The following STK3 variants were observed in gnomAD, a reference collection of about 807,000 sequenced individuals.
STK3 encodes serine/threonine-protein kinase 3.
STK3 carries 41 observed loss-of-function variants against 58.0 expected under a neutral mutation model. The observed-to-expected ratio is 0.71, with a 90% CI of 0.55 to 0.92. STK3 has a LOEUF of 0.92. Ranked by LOEUF, STK3 falls within the 40% of genes least tolerant of loss-of-function variation. STK3 has a pLI of 0.00. For missense variants in STK3, 479 were observed against 602.7 expected (o/e 0.79, Z 2.15); for synonymous variants, 170 against 191.0 (o/e 0.89, Z 0.91).
the STK3 span, among the ~76,000 whole-genome samples, chr8:98,359,025 G>T: frequency 6.6e-6 from 1 of 152,156 alleles, no homozygotes; most frequent in Non-Finnish European, 1.5e-5. Flanking sequence ...CGAAGAAAGA[G>T]CTGGGGAAAT....
At chr8:98,668,747 A>G (rs1822554560) in intron 6 of STK3, among the ~76,000 whole-genome samples, 4 of 152,126 alleles carry the variant, frequency 2.6e-5, no homozygotes, top group Admixed American at 2.6e-4. Flanking sequence ...TACTATACTC[A>G]TCTATTGCTT....
chr8:98,481,895 C>G (rs969799367), intron 10 of STK3, among the ~76,000 whole-genome samples: 1 of 152,130 alleles, frequency 6.6e-6, no homozygotes, highest in Non-Finnish European at 1.5e-5. Flanking sequence ...TTACTTGTCA[C>G]TTAGTAACCT....
chr8:98,588,044 CTT>C (rs1814827629), intron 7 of STK3, among the ~76,000 whole-genome samples: 1 of 152,144 alleles, frequency 6.6e-6, no homozygotes, highest in African/African-American at 2.4e-5. Flanking sequence ...GGTCTTGACT[CTT>C]TATCCAATTT....
At chr8:98,874,557 C>G (rs1587785841) in intron 3 of STK3, among the ~76,000 whole-genome samples, 1 of 152,012 alleles carries the variant, frequency 6.6e-6, no homozygotes, top group African/African-American at 2.4e-5. Flanking sequence ...CTTTATAACC[C>G]ATGTTTTATA....
At chr8:98,377,640 T>C (rs1480076313) in intron 2 of STK3, among the ~76,000 whole-genome samples, 1 of 152,136 alleles carries the variant, frequency 6.6e-6, no homozygotes, top group Non-Finnish European at 1.5e-5. Context: ...CTGTGAGCAC[T>C]GGAAAAAGTA....
chr8:98,610,938 G>A (rs965536793), intron 6 of STK3, among the ~76,000 whole-genome samples: 1 of 152,114 alleles, frequency 6.6e-6, no homozygotes, highest in African/African-American at 2.4e-5. Flanking sequence ...AGTTAATCAA[G>A]TAATCAAAAC....
chr8:98,684,449 TA>T (rs1823843972), intron 6 of STK3, among the ~76,000 whole-genome samples: 1 of 152,168 alleles, frequency 6.6e-6, no homozygotes, highest in East Asian at 1.9e-4. Flanking sequence ...GTTCCTTAAG[TA>T]ACAATAGTAA....
intron 8 of STK3, among the ~76,000 whole-genome samples, chr8:98,563,541 GT>G (rs1156294139): frequency 1.3e-5 from 2 of 152,046 alleles, no homozygotes; most frequent in Non-Finnish European, 2.9e-5. Flanking sequence ...GTACAAAAAA[GT>G]CCCCCTGGAA....
upstream of STK3, among the ~76,000 whole-genome samples, chr8:98,828,590 A>AAAAG (rs374741027): frequency 7.2e-5 from 11 of 152,084 alleles, no homozygotes; most frequent in Middle Eastern, 3.4e-3. Context: ...CAAAAGAAAG[A>AAAAG]AAAGAAAGAA....
intron 6 of STK3, among the ~76,000 whole-genome samples, chr8:98,661,257 A>C (rs1486799310): frequency 6.6e-6 from 1 of 152,150 alleles, no homozygotes; most frequent in Non-Finnish European, 1.5e-5. Flanking sequence ...CTTTGAAAAT[A>C]AGGAAATGCT....
At chr8:98,652,945 T>C (rs924613489) in intron 6 of STK3, among the ~76,000 whole-genome samples, 5 of 152,140 alleles carry the variant, frequency 3.3e-5, no homozygotes, top group African/African-American at 9.7e-5. Flanking sequence ...TTAATAAGCA[T>C]ACCCAGGAAC....
At chr8:98,614,499 C>T (rs1232528197) in intron 6 of STK3, among the ~76,000 whole-genome samples, 7 of 152,182 alleles carry the variant, frequency 4.6e-5, no homozygotes, top group African/African-American at 1.4e-4. Flanking sequence ...CAGCTCCCAG[C>T]GAGAGCGATG....
Position 98,893,488 on chromosome 8 carries a change from GAA to G in STK3, c.-78-9656_-78-9655del, listed in dbSNP as rs1312675192. ...AAAGAAAGAAAGAAAGAAAGAAAGA[GAA>G]AGAAAGAAAGAAAGAAAGAAAGAAA... On this transcript the variant is annotated intron_variant, in intron 1 of 1. Coordinates refer to the STK3 transcript ENST00000519420. Among the ~76,000 whole-genome samples, 86 of 59,018 alleles carry G rather than the reference GAA, an allele frequency of 1.5e-3. 1 individual carries two copies. Among genetic ancestry groups the G allele is most frequent in the South Asian group, 4.5e-3 (7 of 1,552 alleles). 38.7% of individuals were successfully genotyped at this position (59,018 alleles called of 152,430 possible). A position where few individuals can be genotyped will look rare whatever the true frequency, so the allele number is the denominator to read the frequency against.
chr8:98,790,162 C>A (rs574208957), intron 1 of STK3, among the ~76,000 whole-genome samples: 1 of 152,058 alleles, frequency 6.6e-6, no homozygotes, highest in Non-Finnish European at 1.5e-5. Flanking sequence ...GGAACCCTCC[C>A]GAAATCATTC....
At chr8:98,722,758 A>T in intron 4 of STK3, 1 of 229,476 alleles carries the variant, frequency 4.4e-6, no homozygotes, top group Admixed American at 4.9e-5. Context: ...TCATATCTGT[A>T]AGACTTTTCA....
intron 1 of STK3, chr8:98,437,801 C>T (rs1160449587): frequency 6.6e-6 from 1 of 152,186 alleles, no homozygotes; most frequent in Non-Finnish European, 1.5e-5. Context: ...CAAAGGCCAC[C>T]ATCACAGGAT....
chr8:98,608,982 T>C (rs903487876), intron 6 of STK3, among the ~76,000 whole-genome samples: 2 of 152,230 alleles, frequency 1.3e-5, no homozygotes, highest in African/African-American at 2.4e-5. Flanking sequence ...GTCCATCCTA[T>C]GAGACAGTTC....
chr8:98,669,413 T>C (rs1822637621), intron 6 of STK3, among the ~76,000 whole-genome samples: 4 of 152,188 alleles, frequency 2.6e-5, no homozygotes, highest in African/African-American at 7.2e-5. Context: ...ACACCAAGCC[T>C]ACCCCTTAGC....
intron 6 of STK3, among the ~76,000 whole-genome samples, chr8:98,688,394 A>G (rs925264691): frequency 1.9e-4 from 29 of 152,224 alleles, no homozygotes; most frequent in Admixed American, 7.9e-4. Context: ...GAAATTCTGG[A>G]CTTAAATTTA....
Sources: gnomAD v4.1 joint callset for allele counts (sites outside exome capture counted in the v4.1 genomes callset) on GRCh38, gnomAD v4.1.1 for gene constraint, MANE v1.5 for transcripts, NCBI Gene and HGNC (gene_info 2026-07-23, HGNC 2026-07-21) for gene names.